Variants in KAZN observed in about 807,000 individuals in gnomAD.
KAZN encodes the protein kazrin, periplakin interacting protein.
A neutral mutation model predicts 87.4 loss-of-function variants in KAZN; 40 were observed. That is an observed-to-expected ratio of 0.46 (90% CI 0.36 to 0.60). The LOEUF is 0.60. KAZN is among the 20% of genes least tolerant of loss of function. KAZN has a pLI of 0.00. For synonymous variants in KAZN, 466 were observed against 458.3 expected (o/e 1.02, Z -0.22); for missense variants, 898 against 1,073.9 (o/e 0.84, Z 2.29).
intron 2 of KAZN, among the ~76,000 whole-genome samples, chr1:14,480,606 A>G (rs1038759492): frequency 3.5e-5 from 5 of 142,362 alleles, no homozygotes; most frequent in Non-Finnish European, 7.6e-5. Context: ...ATTATATTTT[A>G]TATAATGTAT....
intron 1 of KAZN, among the ~76,000 whole-genome samples, chr1:14,767,187 T>C: frequency 6.6e-6 from 1 of 152,216 alleles, no homozygotes; most frequent in East Asian, 1.9e-4. Flanking sequence ...GGCTAGTTAC[T>C]GTGGGGAAGG....
chr1:14,593,801 G>C (rs569716428), upstream of KAZN, among the ~76,000 whole-genome samples: 2 of 152,350 alleles, frequency 1.3e-5, no homozygotes, highest in African/African-American at 4.8e-5. Flanking sequence ...CAAAGACCTT[G>C]AGGTCAGAAA....
At chr1:14,179,121 T>C (rs1039448831) in intron 1 of KAZN, among the ~76,000 whole-genome samples, 1 of 152,222 alleles carries the variant, frequency 6.6e-6, no homozygotes, top group Non-Finnish European at 1.5e-5. Context: ...AGTTTTATCC[T>C]GCCCAGACAC....
intron 1 of KAZN, among the ~76,000 whole-genome samples, chr1:14,853,196 C>T (rs931741044): frequency 2.6e-5 from 4 of 152,126 alleles, no homozygotes; most frequent in African/African-American, 7.2e-5. Flanking sequence ...CAGGGATCTG[C>T]GGTTGCAGGG....
chr1:14,389,419 T>C lies in KAZN; in HGVS notation c.249+208827T>C, dbSNP rs537791923. On this transcript the variant is annotated intron_variant, in intron 2 of 16. Transcript: ENST00000636203. ...TCTGCACTCCGGTGTTTGTTGCAGATCTAGTCACAATAGTCAAGGTTTGGA... is the reference window on the plus strand; with the variant it reads ...TCTGCACTCCGGTGTTTGTTGCAGACCTAGTCACAATAGTCAAGGTTTGGA... 8.5e-5 allele frequency among the ~76,000 whole-genome samples: 13 copies of C among 152,322 alleles called. 1 individual carries two copies. In the East Asian group the frequency reaches 2.1e-3, roughly 25 times the overall value.
At chr1:13,937,707 G>GT (rs140669522) in intron 1 of KAZN, among the ~76,000 whole-genome samples, 4,683 of 152,190 alleles carry the variant, frequency 0.031, 217 homozygotes, top group African/African-American at 0.11. Flanking sequence ...TTTGTGTATA[G>GT]TGAGAGATAT....
At position 14,111,556 on chromosome 1, in the gene KAZN, C is replaced by T. The variant is rs1484152640; in HGVS notation, c.92-68879C>T. 3.7e-5 allele frequency among the ~76,000 whole-genome samples: 5 copies of T among 133,664 alleles called. 2 individuals carry two copies. Among genetic ancestry groups the T allele is most frequent in the South Asian group, 5.1e-4 (2 of 3,936 alleles). The allele number at this position is 133,664 out of a possible 152,430, so 87.7% of individuals were successfully genotyped here. ...AAATGGTTCGTTTTTCTCATTCATA[C>T]GAAAGGGCTGTCTCTCTCCCAGCTG... On this transcript the variant is annotated intron_variant, in intron 1 of 16. Coordinates refer to the KAZN transcript ENST00000636203.
intron 1 of KAZN, among the ~76,000 whole-genome samples, chr1:14,058,232 C>A (rs1360913935): frequency 6.6e-6 from 1 of 152,190 alleles, no homozygotes; most frequent in Non-Finnish European, 1.5e-5. Context: ...CCCACACAGA[C>A]CCCTTCTCTT....
rs548812319 is a variant in KAZN at position 14,013,631 on chromosome 1, G to C, written c.91+119875G>C. Among the ~76,000 whole-genome samples the C allele has an allele frequency of 2.6e-5, 4 of 152,300 alleles. No homozygotes were observed. The South Asian group carries it at 6.2e-4, about 24-fold the overall frequency. On this transcript the variant is annotated intron_variant, in intron 1 of 16. Coordinates refer to the KAZN transcript ENST00000636203. Reference sequence around the variant, plus strand: ...GAAGGGTTCGATGGAAAATAACCTAGGAATATGGGACTTTAGTACCAGGCC... The same window carrying C: ...GAAGGGTTCGATGGAAAATAACCTACGAATATGGGACTTTAGTACCAGGCC...
At chr1:14,841,232 C>T (rs1312703805) in intron 1 of KAZN, among the ~76,000 whole-genome samples, 1 of 151,454 alleles carries the variant, frequency 6.6e-6, no homozygotes, top group African/African-American at 2.4e-5. Context: ...GTTGAAACCC[C>T]GTCTCTACTA....
rs372755072 is a variant in KAZN, at chr1:14,799,939, G to A, written c.227-160745G>A. 6.6e-5 allele frequency among the ~76,000 whole-genome samples: 10 copies of A among 152,034 alleles called. No homozygotes were observed. The East Asian group carries it at 9.6e-4, about 15-fold the overall frequency. On this transcript the variant is annotated intron_variant, in intron 1 of 14. Coordinates refer to ENST00000376030, the MANE Select transcript of KAZN (RefSeq NM_201628.3). ...ACGGTATTAGATAATAGATGTCCCC[G>A]AAGGCCATATCAAAGTTATAAGTAT...
chr1:14,907,107 T>C (rs1557608639), intron 1 of KAZN, among the ~76,000 whole-genome samples: 2 of 151,780 alleles, frequency 1.3e-5, no homozygotes, highest in Admixed American at 6.6e-5. Flanking sequence ...TTTGTACGAT[T>C]ATTAGAAGCT....
intron 2 of KAZN, among the ~76,000 whole-genome samples, chr1:14,237,900 A>G (rs1167103881): frequency 6.6e-6 from 1 of 152,148 alleles, no homozygotes; most frequent in Non-Finnish European, 1.5e-5. Context: ...AATCCATTCT[A>G]CCCTAGAGAG....
chr1:14,554,522 T>C (rs1324511625), intron 2 of KAZN, among the ~76,000 whole-genome samples: 2 of 152,188 alleles, frequency 1.3e-5, no homozygotes, highest in Non-Finnish European at 2.9e-5. Flanking sequence ...CAGGATAACC[T>C]GACCCTACAT....
intron 2 of KAZN, among the ~76,000 whole-genome samples, chr1:14,292,529 A>T (rs116166842): frequency 4.6e-4 from 70 of 152,272 alleles, no homozygotes; most frequent in Non-Finnish European, 8.2e-4. Flanking sequence ...GGATTGATCC[A>T]TGTCCAGGGA....
intron 2 of KAZN, among the ~76,000 whole-genome samples, chr1:14,246,927 C>A (rs1649571866): frequency 6.6e-6 from 1 of 152,056 alleles, no homozygotes; most frequent in South Asian, 2.1e-4. Flanking sequence ...TCCAGAAATG[C>A]ATATCTTAAA....
intron 2 of KAZN, among the ~76,000 whole-genome samples, chr1:14,428,786 T>G (rs1214059325): frequency 6.6e-6 from 1 of 152,006 alleles, no homozygotes; most frequent in Non-Finnish European, 1.5e-5. Context: ...GAGAACAGTA[T>G]GGGGGAAACC....
At chr1:14,971,789 C>G (rs190289272) in intron 2 of KAZN, among the ~76,000 whole-genome samples, 1 of 149,256 alleles carries the variant, frequency 6.7e-6, no homozygotes, top group African/African-American at 2.5e-5. Flanking sequence ...TCACACCATT[C>G]GGCACCAGGA....
chr1:14,350,389 G>A (rs559826127), intron 2 of KAZN, among the ~76,000 whole-genome samples: 1 of 152,220 alleles, frequency 6.6e-6, no homozygotes, highest in Non-Finnish European at 1.5e-5. Flanking sequence ...GAGATGCAGT[G>A]AGTGCTCGGC....
Sources: gnomAD v4.1 joint callset for allele counts (sites outside exome capture counted in the v4.1 genomes callset) on GRCh38, gnomAD v4.1.1 for gene constraint, MANE v1.5 for transcripts, NCBI Gene and HGNC (gene_info 2026-07-23, HGNC 2026-07-21) for gene names.